The following TTC31 variants were observed in gnomAD, a reference collection of about 807,000 sequenced individuals.
TTC31 encodes tetratricopeptide repeat domain 31, also known as tetratricopeptide repeat protein 31.
In TTC31, 59 loss-of-function variants were observed where a neutral mutation model predicts 60.4. The ratio of observed to expected loss-of-function variants is 0.98; its 90% CI spans 0.79 to 1.21. The LOEUF is 1.21. Ranked by LOEUF, TTC31 falls within the 50% of genes most tolerant of loss-of-function variation. TTC31 has a pLI of 0.00. For synonymous variants in TTC31, 225 were observed against 249.6 expected (o/e 0.90, Z 0.93); for missense variants, 672 against 646.9 (o/e 1.04, Z -0.42).
chr2:74,494,097 C>T lies in TTC31; in HGVS notation c.*879C>T, dbSNP rs920086466. 6.6e-6 allele frequency: 1 copy of T among 152,238 alleles called. No individual in the cohort carries two copies. The highest frequency in any genetic ancestry group is 2.1e-4 in the South Asian group (1 of 4,836). The allele number at this position is 152,238 out of a possible 1,614,324, so 9.4% of individuals were successfully genotyped here. A position where few individuals can be genotyped will look rare whatever the true frequency, so the allele number is the denominator to read the frequency against. ...TTCACGTCTAAGATCCTGGCAGCTT[C>T]CCCTAGCTGGTTCCTCTGTAGTCCT... On this transcript the variant is annotated 3_prime_UTR_variant, in exon 13 of 13. Coordinates refer to ENST00000233623, the MANE Select transcript of TTC31 (RefSeq NM_022492.6).
At chr2:74,490,770 G>A (rs769711543) in intron 5 of TTC31, 31 bp downstream of exon 5, 7 of 1,595,006 alleles carry the variant, frequency 4.4e-6, no homozygotes, top group Middle Eastern at 1.7e-4. Flanking sequence ...GGGTGCAGGG[G>A]AGCCAAAGGG....
At position 74,490,846 on chromosome 2, in the gene TTC31, C is replaced by T. The variant is rs1227583252; in HGVS notation, c.546+107C>T. ...AGAGCTCAAGATGGCCTGCAGTGGA[C>T]TCTCTTGCCAGGAGGACACAAGGGG... On this transcript the variant is annotated intron_variant, in intron 5 of 12. Coordinates refer to ENST00000233623, the MANE Select transcript of TTC31 (RefSeq NM_022492.6). 3 of 1,207,228 alleles carry T rather than the reference C, an allele frequency of 2.5e-6. No individual in the cohort carries two copies. In the African/African-American group the frequency reaches 4.6e-5, roughly 19 times the overall value. 74.8% of individuals were successfully genotyped at this position (1,207,228 alleles called of 1,614,324 possible).
At chr2:74,484,529 G>A (rs754930849) in intron 2 of TTC31, among the ~76,000 whole-genome samples, 3 of 151,156 alleles carry the variant, frequency 2.0e-5, no homozygotes, top group Non-Finnish European at 4.4e-5. Context: ...TGTGATCTTG[G>A]CTCACTGCAA....
rs1405986977 is a variant in TTC31 at position 74,493,177 on chromosome 2, A to C, written c.1519A>C (p.Ile507Leu). ...KPQDPSKGWD[I>L]LGLGLQHLSQ... Reference sequence around the variant, plus strand: ...CCAGGACCCTTCAAAGGGCTGGGACATCCTGGGACTTGGGCTCCAGCATCT... The same window carrying C: ...CCAGGACCCTTCAAAGGGCTGGGACCTCCTGGGACTTGGGCTCCAGCATCT... Residue 507 changes from isoleucine (I) to leucine (L), a missense_variant, in exon 13 of 13, where the codon ATC (isoleucine) becomes CTC (leucine). Transcript: ENST00000233623. 6.2e-7 allele frequency: 1 copy of C among 1,614,060 alleles called. No homozygotes were observed. Among genetic ancestry groups the C allele is most frequent in the Non-Finnish European group, 8.5e-7 (1 of 1,180,024 alleles).
In TTC31 at chr2:74,483,111, A is replaced by C. The variant is rs200546104; in HGVS notation, c.16A>C (p.Lys6Gln). The C allele has an allele frequency of 1.6e-3, 2,582 of 1,614,188 alleles. 4 individuals carry two copies. Among genetic ancestry groups the C allele is most frequent in the Non-Finnish European group, 2.0e-3 (2,304 of 1,180,024 alleles). The stretch of plus-strand genomic sequence containing the variant: ...TGTAGATGCGATGGCGCCGATTCCA[A>C]AGACTGTGGGGCGGATCAAGCTAGG... Reference protein sequence around the residue: MAPIPKTVGRIKLDCS... With the variant: MAPIPQTVGRIKLDCS... Residue 6 changes from lysine to glutamine, a missense_variant, in exon 1 of 13, where the codon AAG (lysine) becomes CAG (glutamine). Physicochemically the swap from Lys to Gln is moderately conservative, Grantham distance 53. Transcript: ENST00000233623.
chr2:74,490,520 A>T (rs1465863665), intron 4 of TTC31, 47 bp downstream of exon 4: 1 of 1,543,778 alleles, frequency 6.5e-7, no homozygotes, highest in Non-Finnish European at 8.8e-7. Flanking sequence ...GGTTCTTTCA[A>T]TCCCTGTATC....
chr2:74,491,893 G>C, intron 8 of TTC31, 111 bp from the exon 9 acceptor site: 2 of 1,555,892 alleles, frequency 1.3e-6, no homozygotes, highest in Non-Finnish European at 1.8e-6. Context: ...CTGTCATGAG[G>C]ATTACATGAG....
chr2:74,492,372 A>T lies in TTC31; in HGVS notation c.1088A>T (p.Gln363Leu). 6.5e-7 allele frequency: 1 copy of T among 1,547,562 alleles called. No individual in the cohort carries two copies. The stretch of plus-strand genomic sequence containing the variant: ...CCAGCGTGGGCCCTGGCTGATGCCC[A>T]GGTGGCCCTTACCCTACGGCCTGGC... ...GQPAWALADAQVALTLRPGWP... is the reference protein window; with the variant it reads ...GQPAWALADALVALTLRPGWP... The change falls in exon 11 of 13, where the codon CAG becomes CTG. Residue 363 changes from glutamine (Q) to leucine (L), a missense_variant. By Grantham distance (113) the Gln-to-Leu change is moderately radical (BLOSUM62 -2). Transcript: ENST00000233623.
intron 2 of TTC31, among the ~76,000 whole-genome samples, chr2:74,484,894 G>T (rs1242421619): frequency 1.3e-5 from 2 of 151,964 alleles, no homozygotes; most frequent in African/African-American, 2.4e-5. Flanking sequence ...TTGTAAATTG[G>T]TTGCTTTTCT....
At chr2:74,487,067 AGGACACTGCT>A (rs1208650853) in intron 2 of TTC31, among the ~76,000 whole-genome samples, 1 of 152,236 alleles carries the variant, frequency 6.6e-6, no homozygotes, top group African/African-American at 2.4e-5. Context: ...GGAACTTCCA[AGGACACTGCT>A]GTGGCTGGAG....
rs1672689570 is a variant in TTC31, at chr2:74,483,483, AC to A, written c.129+76del. ...CCTCTTTGAAGTCAGCTGTGCAGAAACCCGCGACGGATGGGCGCCAGACGGG... is the reference window on the plus strand; with the variant it reads ...CCTCTTTGAAGTCAGCTGTGCAGAAACCGCGACGGATGGGCGCCAGACGGG... On this transcript the variant is annotated intron_variant, in intron 2 of 12. Transcript: ENST00000233623. 6 of 1,606,008 alleles carry A rather than the reference AC, an allele frequency of 3.7e-6. No homozygotes were observed. The East Asian group carries it at 1.3e-4, about 36-fold the overall frequency.
intron 2 of TTC31, among the ~76,000 whole-genome samples, chr2:74,486,246 C>A (rs1490678023): frequency 6.6e-6 from 1 of 151,100 alleles, no homozygotes. Flanking sequence ...AGCCTGGAGA[C>A]AGGGTTAGAC....
chr2:74,492,500 A>G, intron 11 of TTC31, 55 bp downstream of exon 11: 1 of 1,528,408 alleles, frequency 6.5e-7, no homozygotes, highest in East Asian at 2.3e-5. Flanking sequence ...GAGTGGGGAG[A>G]GGGTCTATGT....
In TTC31 at chr2:74,493,199, A is replaced by G. The variant is rs372921677; in HGVS notation, c.1541A>G (p.His514Arg). 365 of 1,614,034 alleles carry G rather than the reference A, an allele frequency of 2.3e-4. No individual in the cohort carries two copies. Among genetic ancestry groups the G allele is most frequent in the Non-Finnish European group, 2.9e-4 (341 of 1,180,016 alleles). Reference protein sequence around the residue: ...GWDILGLGLQHLSQAR With the variant: ...GWDILGLGLQRLSQAR ...GACATCCTGGGACTTGGGCTCCAGC[A>G]TCTGTCTCAGGCCAGATGAGGGGGC... is the stretch of plus-strand genomic sequence containing the variant. Residue 514 changes from histidine to arginine, a missense_variant, in exon 13 of 13, where the codon CAT (histidine) becomes CGT (arginine). Physicochemically the swap from His to Arg is conservative, Grantham distance 29. Transcript: ENST00000233623.
chr2:74,490,777 AG>A, intron 5 of TTC31, 38 bp downstream of exon 5: 2 of 1,587,318 alleles, frequency 1.3e-6, no homozygotes, highest in Non-Finnish European at 1.7e-6. Context: ...GGGGAGCCAA[AG>A]GGATTTGGGA....
intron 2 of TTC31, chr2:74,483,784 C>G: frequency 2.9e-6 from 1 of 340,622 alleles, no homozygotes; most frequent in Non-Finnish European, 5.3e-6. Flanking sequence ...AGAGACCAGC[C>G]TGGGCAACAT....
At chr2:74,492,836 G>T in intron 12 of TTC31, 86 bp from the exon 13 acceptor site, 2 of 1,588,218 alleles carry the variant, frequency 1.3e-6, no homozygotes, top group South Asian at 2.3e-5. Flanking sequence ...TGGCTAAGGA[G>T]GGGGCGGGGA....
intron 2 of TTC31, among the ~76,000 whole-genome samples, chr2:74,485,603 T>G (rs1374723291): frequency 6.6e-6 from 1 of 151,616 alleles, no homozygotes; most frequent in Non-Finnish European, 1.5e-5. Context: ...CCCGAGTAGC[T>G]GGGACTACAG....
intron 5 of TTC31, 149 bp from the exon 6 acceptor site, chr2:74,490,979 G>T: frequency 9.1e-7 from 1 of 1,099,698 alleles, no homozygotes; most frequent in Admixed American, 2.1e-5. Context: ...TCTTGCTGGT[G>T]CCTCTCTTGT....
Sources: allele counts gnomAD v4.1 joint callset (sites outside exome capture counted in the v4.1 genomes callset), GRCh38; gene constraint gnomAD v4.1.1; transcripts MANE v1.5; gene names NCBI Gene and HGNC (gene_info 2026-07-23, HGNC 2026-07-21).